Variants in DEPTOR observed in about 807,000 individuals in gnomAD.
DEPTOR encodes DEP domain-containing mTOR-interacting protein.
Under a neutral mutation model 41.6 loss-of-function variants are expected in DEPTOR, and 41 were observed. The observed-to-expected ratio is 0.98, with a 90% confidence interval of 0.77 to 1.28. The LOEUF (loss-of-function observed/expected upper bound fraction) is 1.28, where lower values mean the gene tolerates loss of function less well. DEPTOR is among the 50% of genes most tolerant of loss of function. The pLI is 0.00. For synonymous variants in DEPTOR, 195 were observed against 192.3 expected (o/e 1.01, Z -0.12); for missense variants, 514 against 527.9 (o/e 0.97, Z 0.26).
rs963026396 is a variant in DEPTOR at position 119,930,003 on chromosome 8, C to T, written c.425+65C>T. ...TAGAAAGAAGCAGAACTGTGCCAGT[C>T]TCATTATGTTGATTTCAGCGTGGCT... On this transcript the variant is annotated intron_variant, in intron 3 of 8. Coordinates refer to ENST00000286234, the MANE Select transcript of DEPTOR (RefSeq NM_022783.4). 3.3e-6 allele frequency: 5 copies of T among 1,530,562 alleles called. No individual in the cohort carries two copies. The Admixed American group carries it at 7.8e-5, about 24-fold the overall frequency. 94.8% of individuals were successfully genotyped at this position (1,530,562 alleles called of 1,614,324 possible).
At chr8:119,983,481 T>A (rs2130026748) in intron 4 of DEPTOR, among the ~76,000 whole-genome samples, 1 of 152,168 alleles carries the variant, frequency 6.6e-6, no homozygotes, top group South Asian at 2.1e-4. Flanking sequence ...GCCTTCCAGG[T>A]TCAAGCGATT....
At chr8:120,033,391 G>A (rs1385539304) in intron 8 of DEPTOR, among the ~76,000 whole-genome samples, 3 of 152,074 alleles carry the variant, frequency 2.0e-5, no homozygotes, top group East Asian at 3.9e-4. Flanking sequence ...CTAGCTGTGA[G>A]CTATATTTTA....
intron 4 of DEPTOR, among the ~76,000 whole-genome samples, chr8:119,970,811 T>C (rs1262005118): frequency 6.6e-6 from 1 of 152,190 alleles, no homozygotes; most frequent in Non-Finnish European, 1.5e-5. Flanking sequence ...CACAGTTTCC[T>C]ATGTTCTTCC....
intron 4 of DEPTOR, among the ~76,000 whole-genome samples, chr8:119,977,155 C>T (rs1563579888): frequency 6.6e-6 from 1 of 152,110 alleles, no homozygotes; most frequent in African/African-American, 2.4e-5. Context: ...CACGTGCCAC[C>T]ACACCCAGCT....
chr8:119,874,010 C>T, intron 1 of DEPTOR, 42 bp downstream of exon 1: 2 of 1,610,960 alleles, frequency 1.2e-6, no homozygotes, highest in Non-Finnish European at 1.7e-6. Context: ...GATGGCACTG[C>T]CAACGCGTGC....
At chr8:119,902,590 C>T (rs1189111215) in intron 1 of DEPTOR, among the ~76,000 whole-genome samples, 5 of 152,068 alleles carry the variant, frequency 3.3e-5, no homozygotes, top group Admixed American at 6.5e-5. Flanking sequence ...CCACCTGCCT[C>T]GGCCTCCCAA....
chr8:119,887,036 A>G (rs563482899), intron 1 of DEPTOR, among the ~76,000 whole-genome samples: 1 of 151,354 alleles, frequency 6.6e-6, no homozygotes, highest in East Asian at 1.9e-4. Flanking sequence ...AGTGGAATTC[A>G]TGACCTAAAA....
chr8:119,962,169 A>G (rs1344618197), intron 3 of DEPTOR, among the ~76,000 whole-genome samples: 1 of 151,884 alleles, frequency 6.6e-6, no homozygotes, highest in East Asian at 1.9e-4. Context: ...AGGCAGGAGA[A>G]TCACCTGAAC....
chr8:120,048,108 G>A lies in DEPTOR; in HGVS notation c.1102-1468G>A, dbSNP rs185815101. On this transcript the variant is annotated intron_variant, in intron 8 of 8. Transcript: ENST00000286234. ...ACATGGCTAATCTCAGGGAGCCTGC[G>A]AAGGGTCAGCTGGAGAGGGCACTCA... is the stretch of plus-strand genomic sequence containing the variant. Among the ~76,000 whole-genome samples, 346 of 152,106 alleles carry A rather than the reference G, an allele frequency of 2.3e-3. 1 individual carries two copies. The highest frequency in any genetic ancestry group is 8.0e-3 in the African/African-American group (332 of 41,510).
Position 120,049,630 on chromosome 8 carries a change from C to T in DEPTOR, c.1156C>T (p.Arg386Trp), listed in dbSNP as rs773583279. Residue 386 changes from arginine to tryptophan, a missense_variant, in exon 9 of 9, where the codon CGG becomes TGG. Physicochemically the swap from Arg to Trp is moderately radical, Grantham distance 101. Transcript: ENST00000286234. The stretch of plus-strand genomic sequence containing the variant: ...GCTCAATGTCCTGCATGTAGACTAC[C>T]GGACCGTGAGCAATCTGATTCTGAC... ...NGLNVLHVDY[R>W]TVSNLILTGP... is the part of the protein sequence containing the mutation. The T allele has an allele frequency of 6.2e-6, 10 of 1,613,950 alleles. No homozygotes were observed. The Admixed American group carries it at 6.7e-5, about 11-fold the overall frequency.
intron 1 of DEPTOR, among the ~76,000 whole-genome samples, chr8:119,875,137 T>C (rs1221051983): frequency 6.6e-6 from 1 of 152,180 alleles, no homozygotes; most frequent in Non-Finnish European, 1.5e-5. Flanking sequence ...TTAAAGGGAA[T>C]AAAAACTTTT....
chr8:119,897,132 CGAA>C (rs1428943029), intron 1 of DEPTOR, among the ~76,000 whole-genome samples: 1 of 152,072 alleles, frequency 6.6e-6, no homozygotes, highest in Non-Finnish European at 1.5e-5. Flanking sequence ...TTTAGGTTCT[CGAA>C]GAGTTTCTAT....
At chr8:120,014,420 T>C (rs1050450594) in intron 8 of DEPTOR, among the ~76,000 whole-genome samples, 2 of 152,256 alleles carry the variant, frequency 1.3e-5, no homozygotes, top group East Asian at 1.9e-4. Flanking sequence ...AATGTCAGCA[T>C]CCAGATACTC....
intron 1 of DEPTOR, among the ~76,000 whole-genome samples, chr8:119,878,008 C>T (rs186838316): frequency 7.4e-4 from 113 of 151,814 alleles, no homozygotes; most frequent in Middle Eastern, 3.4e-3. Flanking sequence ...CTCGGCTCAC[C>T]GCAACCTCTG....
intron 1 of DEPTOR, among the ~76,000 whole-genome samples, chr8:119,886,435 C>T (rs1827364388): frequency 1.3e-5 from 2 of 150,960 alleles, no homozygotes. Context: ...AAGGGGGCAT[C>T]TCCCCCAGTA....
At chr8:119,944,118 G>C (rs927407016) in intron 3 of DEPTOR, among the ~76,000 whole-genome samples, 1 of 152,142 alleles carries the variant, frequency 6.6e-6, no homozygotes, top group East Asian at 1.9e-4. Flanking sequence ...GGGATTACAG[G>C]CGTTAGCCAC....
intron 3 of DEPTOR, among the ~76,000 whole-genome samples, chr8:119,949,040 C>T (rs566623080): frequency 4.6e-5 from 7 of 152,356 alleles, no homozygotes; most frequent in African/African-American, 1.7e-4. Flanking sequence ...CCCGCCTTGG[C>T]CTCCCAAAGT....
At chr8:119,910,613 G>C (rs1827724618) in intron 1 of DEPTOR, among the ~76,000 whole-genome samples, 2 of 151,944 alleles carry the variant, frequency 1.3e-5, no homozygotes, top group Middle Eastern at 3.4e-3. Flanking sequence ...GCTAAGTTTT[G>C]TATTTTCAAT....
chr8:119,878,900 C>T lies in DEPTOR; in HGVS notation c.122+4932C>T, dbSNP rs575767796. Among the ~76,000 whole-genome samples, 12 of 151,748 alleles carry T rather than the reference C, an allele frequency of 7.9e-5. 1 individual carries two copies. The South Asian group carries it at 2.3e-3, about 29-fold the overall frequency. ...CTGAGGCGGGCGGATCACCTGAGAT[C>T]GGGAGTTCAAGACCAGCCTTACCAA... is the stretch of plus-strand genomic sequence containing the variant. On this transcript the variant is annotated intron_variant, in intron 1 of 8. Transcript: ENST00000286234.
Sources: gnomAD v4.1 joint callset for allele counts (sites outside exome capture counted in the v4.1 genomes callset) on GRCh38, gnomAD v4.1.1 for gene constraint, MANE v1.5 for transcripts, NCBI Gene and HGNC (gene_info 2026-07-23, HGNC 2026-07-21) for gene names.